The following MYO1F variants were observed in gnomAD, a reference collection of about 807,000 sequenced individuals.
MYO1F encodes the protein myosin IF, also known as unconventional myosin-If.
A neutral mutation model predicts 146.6 loss-of-function variants in MYO1F; 60 were observed. The ratio of observed to expected loss-of-function variants is 0.41; its 90% CI spans 0.33 to 0.51. The LOEUF is 0.51. MYO1F is among the 20% of genes least tolerant of loss of function. The pLI is 0.25. For missense variants in MYO1F, 1,274 were observed against 1,534.3 expected (o/e 0.83, Z 2.83); for synonymous variants, 602 against 602.1 (o/e 1.00, Z 0.00).
At chr19:8,574,762 TC>T (rs1465585841) in intron 1 of MYO1F, among the ~76,000 whole-genome samples, 1 of 150,924 alleles carries the variant, frequency 6.6e-6, no homozygotes, top group Non-Finnish European at 1.5e-5. Context: ...TCTCTCTCTT[TC>T]TTTTTTTTTT....
Position 8,536,496 on chromosome 19 carries a change from C to G in MYO1F, c.1898+3G>C, listed in dbSNP as rs780031495. 1.2e-6 allele frequency: 2 copies of G among 1,613,152 alleles called. No homozygotes were observed. The highest frequency in any genetic ancestry group is 3.3e-5 in the Admixed American group (2 of 59,928). On this transcript the variant is annotated splice_donor_region_variant and intron_variant, in intron 18 of 27. Coordinates refer to ENST00000644032, the MANE Select transcript of MYO1F (RefSeq NM_012335.4). ...GCGAGGGCGGGGGTGGAGGGCTCCT[C>G]ACCTCTGCAGGAATTTGGCGAACTG...
chr19:8,572,537 G>A (rs1262728191), intron 1 of MYO1F, among the ~76,000 whole-genome samples: 1 of 152,028 alleles, frequency 6.6e-6, no homozygotes, highest in Admixed American at 6.6e-5. Context: ...TAAAGTGCTG[G>A]GATTACAGGT....
At position 8,544,542 on chromosome 19, in the gene MYO1F, G is replaced by A. The variant is rs56369630; in HGVS notation, c.1357-78C>T. The A allele has an allele frequency of 0.033, 48,389 of 1,460,862 alleles. 1,023 individuals carry two copies. Among genetic ancestry groups the A allele is most frequent in the Non-Finnish European group, 0.04 (42,853 of 1,074,610 alleles). The allele number at this position is 1,460,862 out of a possible 1,614,324, so 90.5% of individuals were successfully genotyped here. On this transcript the variant is annotated intron_variant, in intron 13 of 27. Transcript: ENST00000644032. ...CCACAGCTCGTCAGTGCAGAGATTA[G>A]GGGAGGGAGGGGGTGGAGGAGTGGA... is the stretch of plus-strand genomic sequence containing the variant.
chr19:8,558,403 T>G (rs1323001123), intron 1 of MYO1F, among the ~76,000 whole-genome samples: 2 of 151,598 alleles, frequency 1.3e-5, no homozygotes, highest in Non-Finnish European at 2.9e-5. Context: ...TGGCCTCAAG[T>G]GATCCTCCCA....
chr19:8,535,203 C>T (rs180683583), intron 19 of MYO1F, among the ~76,000 whole-genome samples: 1 of 152,268 alleles, frequency 6.6e-6, no homozygotes, highest in Admixed American at 6.5e-5. Context: ...TGAGCCAGTG[C>T]GCCTGGCCAG....
In MYO1F at chr19:8,521,487, G is replaced by A; in HGVS notation, c.*41C>T. ...TGGCTCCCCACCAGGCCGGCAGGCA[G>A]ATAGGCGGGCGAAAGAGAAGGCAGT... On this transcript the variant is annotated 3_prime_UTR_variant, in exon 28 of 28. Coordinates refer to ENST00000644032, the MANE Select transcript of MYO1F (RefSeq NM_012335.4). The A allele has an allele frequency of 6.3e-7, 1 of 1,586,906 alleles. No homozygotes were observed.
intron 21 of MYO1F, chr19:8,529,749 T>A (rs1182691486): frequency 1.7e-5 from 5 of 302,880 alleles, no homozygotes; most frequent in Non-Finnish European, 2.6e-5. Flanking sequence ...GACAGGTGTG[T>A]CTGGGCTACA....
At chr19:8,537,189 A>G in intron 16 of MYO1F, 134 bp from the exon 17 acceptor site, 5 of 673,642 alleles carry the variant, frequency 7.4e-6, no homozygotes, top group East Asian at 5.5e-5. Context: ...GATAAGCCAC[A>G]GGGGCCAGAT....
chr19:8,529,571 G>C (rs1308333404), intron 21 of MYO1F, among the ~76,000 whole-genome samples: 1 of 152,006 alleles, frequency 6.6e-6, no homozygotes, highest in Non-Finnish European at 1.5e-5. Context: ...GGACAGGTGT[G>C]TCTGGGCCAG....
In MYO1F at chr19:8,562,044, G is replaced by GT. The variant is rs530362879; in HGVS notation, c.4-6249dup. On this transcript the variant is annotated intron_variant, in intron 1 of 27. Transcript: ENST00000644032. ...CTTCCTTTTTCTTTTTTTTTCTTTT[G>GT]TTTTTTTTGAGATGGAGTCTTGCTC... Among the ~76,000 whole-genome samples the GT allele has an allele frequency of 4.4e-3, 644 of 146,062 alleles. 4 individuals carry two copies. Among genetic ancestry groups the GT allele is most frequent in the Non-Finnish European group, 5.9e-3 (393 of 66,388 alleles).
intron 19 of MYO1F, among the ~76,000 whole-genome samples, chr19:8,532,978 C>T (rs1416836589): frequency 6.6e-6 from 1 of 150,732 alleles, no homozygotes; most frequent in African/African-American, 2.4e-5. Context: ...AAAATTAGCA[C>T]TTCACCCAGA....
intron 24 of MYO1F, among the ~76,000 whole-genome samples, chr19:8,525,924 T>A (rs574631560): frequency 1.3e-5 from 2 of 152,040 alleles, no homozygotes; most frequent in Non-Finnish European, 2.9e-5. Flanking sequence ...GCTGTTGCCC[T>A]CTCTGGTCCA....
intron 1 of MYO1F, among the ~76,000 whole-genome samples, chr19:8,575,078 CTT>C (rs576218913): frequency 1.7e-4 from 23 of 135,508 alleles, no homozygotes; most frequent in Admixed American, 3.0e-4. Context: ...TTTTCTTTTT[CTT>C]TTTTTTTTTT....
intron 9 of MYO1F, 74 bp downstream of exon 9, chr19:8,550,488 G>A (rs1171511213): frequency 6.2e-7 from 1 of 1,612,256 alleles, no homozygotes; most frequent in Non-Finnish European, 8.5e-7. Context: ...TCAGCTTCCT[G>A]GGGGCTGAGC....
At position 8,545,789 on chromosome 19, in the gene MYO1F, C is replaced by T. The variant is rs1195886446; in HGVS notation, c.1270-53G>A. ...GGGCCAGTGAAAAAGTTGTGGCCACCCTTCCCCCCATGTCCTCTCCCCTTC... is the reference window on the plus strand; with the variant it reads ...GGGCCAGTGAAAAAGTTGTGGCCACTCTTCCCCCCATGTCCTCTCCCCTTC... On this transcript the variant is annotated intron_variant, in intron 12 of 27. Coordinates refer to ENST00000644032, the MANE Select transcript of MYO1F (RefSeq NM_012335.4). 1.5e-5 allele frequency: 19 copies of T among 1,309,036 alleles called. No homozygotes were observed. The East Asian group carries it at 3.9e-4, about 27-fold the overall frequency. The allele number at this position is 1,309,036 out of a possible 1,614,324, so 81.1% of individuals were successfully genotyped here. A position where few individuals can be genotyped will look rare whatever the true frequency, so the allele number is the denominator to read the frequency against.
intron 14 of MYO1F, 91 bp from the exon 15 acceptor site, chr19:8,542,082 T>C: frequency 1.0e-6 from 1 of 970,912 alleles, no homozygotes; most frequent in Non-Finnish European, 1.6e-6. Flanking sequence ...TGGTCAAGGC[T>C]TTCCTGGGGC....
chr19:8,565,435 G>A (rs1415849475), intron 1 of MYO1F, among the ~76,000 whole-genome samples: 2 of 151,996 alleles, frequency 1.3e-5, no homozygotes, highest in South Asian at 2.1e-4. Flanking sequence ...CCAGCTACTC[G>A]GGAGGCTGAG....
intron 21 of MYO1F, among the ~76,000 whole-genome samples, chr19:8,529,588 G>T (rs1599919561): frequency 6.6e-6 from 1 of 151,672 alleles, no homozygotes; most frequent in African/African-American, 2.4e-5. Context: ...CCAGGTGAAG[G>T]TATATCTAAT....
At chr19:8,547,850 C>A in intron 12 of MYO1F, 186 bp downstream of exon 12, 3 of 616,244 alleles carry the variant, frequency 4.9e-6, no homozygotes, top group Non-Finnish European at 8.7e-6. Context: ...AACTAAGAGG[C>A]ACGGTCCTTC....
Sources: gnomAD v4.1 joint callset for allele counts (sites outside exome capture counted in the v4.1 genomes callset) on GRCh38, gnomAD v4.1.1 for gene constraint, MANE v1.5 for transcripts, NCBI Gene and HGNC (gene_info 2026-07-23, HGNC 2026-07-21) for gene names.